GRIK2: variants seen among roughly 807,000 people sequenced by gnomAD.
The protein encoded by GRIK2 is glutamate ionotropic receptor kainate type subunit 2, also known as glutamate receptor ionotropic, kainate 2.
GRIK2 carries 32 observed loss-of-function variants against 100.3 expected under a neutral mutation model. The observed-to-expected ratio is 0.32, with a 90% confidence interval of 0.24 to 0.43. GRIK2 has a LOEUF of 0.43. Ranked by LOEUF, GRIK2 falls within the 20% of genes least tolerant of loss-of-function variation. GRIK2 has a pLI of 1.00. For synonymous variants in GRIK2, 417 were observed against 389.4 expected, an observed-to-expected ratio of 1.07 and a Z score of -0.83; for missense variants, 843 against 1,114.9, an observed-to-expected ratio of 0.76 and a Z score of 3.47.
intron 15 of GRIK2, among the ~76,000 whole-genome samples, chr6:102,054,251 G>A (rs1420206025): frequency 6.6e-6 from 1 of 152,066 alleles, no homozygotes; most frequent in African/African-American, 2.4e-5. Flanking sequence ...CTTTTACATT[G>A]CCTACTCTCA....
chr6:101,634,944 A>C (rs1780933864), intron 4 of GRIK2, among the ~76,000 whole-genome samples: 1 of 152,072 alleles, frequency 6.6e-6, no homozygotes. Context: ...TGGAAAGTCA[A>C]TTAATAGTGA....
At chr6:101,496,190 G>A (rs961649112) in intron 2 of GRIK2, among the ~76,000 whole-genome samples, 9 of 151,924 alleles carry the variant, frequency 5.9e-5, no homozygotes, top group Non-Finnish European at 1.0e-4. Flanking sequence ...CAGGTAATCC[G>A]CTTGTCTCAG....
intron 14 of GRIK2, among the ~76,000 whole-genome samples, chr6:101,940,125 A>T (rs1790868408): frequency 6.6e-6 from 1 of 152,160 alleles, no homozygotes; most frequent in African/African-American, 2.4e-5. Flanking sequence ...CAAGAAGCCA[A>T]ATATACTAGT....
intron 11 of GRIK2, among the ~76,000 whole-genome samples, chr6:101,880,882 AT>A (rs982674441): frequency 1.3e-5 from 2 of 151,994 alleles, no homozygotes; most frequent in African/African-American, 4.8e-5. Context: ...ATTAAAATAT[AT>A]TTATAAAAAG....
intron 7 of GRIK2, among the ~76,000 whole-genome samples, chr6:101,795,507 G>T (rs1316786758): frequency 6.6e-6 from 1 of 152,170 alleles, no homozygotes; most frequent in Non-Finnish European, 1.5e-5. Flanking sequence ...GCCAATTGTT[G>T]GGCCTCCAGG....
intron 2 of GRIK2, among the ~76,000 whole-genome samples, chr6:101,483,907 C>T (rs1468076438): frequency 5.9e-5 from 9 of 152,118 alleles, no homozygotes; most frequent in South Asian, 2.1e-4. Flanking sequence ...TCCCTTTCTC[C>T]TCAACAGAAG....
At chr6:101,726,873 G>T (rs931867158) in intron 7 of GRIK2, among the ~76,000 whole-genome samples, 1 of 151,868 alleles carries the variant, frequency 6.6e-6, no homozygotes, top group African/African-American at 2.4e-5. Context: ...CCACAACATA[G>T]GAATCAAGTC....
intron 14 of GRIK2, among the ~76,000 whole-genome samples, chr6:101,951,656 T>C (rs1419298292): frequency 6.6e-6 from 1 of 152,158 alleles, no homozygotes; most frequent in Non-Finnish European, 1.5e-5. Context: ...AGTAATTGAA[T>C]CATGTGGGCA....
rs371074312 is a variant in GRIK2, at chr6:102,062,857, T to C, written c.2563-5490T>C. 1.6e-4 allele frequency among the ~76,000 whole-genome samples: 24 copies of C among 150,642 alleles called. 2 individuals carry two copies. Among genetic ancestry groups the C allele is most frequent in the East Asian group, 1.2e-3 (6 of 5,160 alleles). ...TTTGTTATTTAACACACCAATATTA[T>C]GTAAAATATTATATCTTATATCCTA... On this transcript the variant is annotated intron_variant, in intron 16 of 16. Coordinates refer to ENST00000369134, the MANE Select transcript of GRIK2 (RefSeq NM_021956.5).
chr6:101,396,241 T>TCC (rs1775000563), intron 1 of GRIK2, among the ~76,000 whole-genome samples: 1 of 115,764 alleles, frequency 8.6e-6, no homozygotes, highest in African/African-American at 3.6e-5. Context: ...AAATTTAGCA[T>TCC]TCCCCCCCCC....
At chr6:102,059,727 T>C (rs570525811) in intron 16 of GRIK2, among the ~76,000 whole-genome samples, 2 of 151,038 alleles carry the variant, frequency 1.3e-5, no homozygotes, top group South Asian at 4.1e-4. Flanking sequence ...TTTGCATATG[T>C]CTACTTTTAA....
intron 14 of GRIK2, among the ~76,000 whole-genome samples, chr6:101,963,267 A>G (rs1792419668): frequency 1.2e-5 from 1 of 80,308 alleles, no homozygotes; most frequent in South Asian, 4.1e-4. Flanking sequence ...TCATATTTAT[A>G]CTTATTTAGG....
intron 16 of GRIK2, among the ~76,000 whole-genome samples, chr6:102,058,382 C>T (rs1330420478): frequency 6.6e-6 from 1 of 151,660 alleles, no homozygotes; most frequent in African/African-American, 2.4e-5. Flanking sequence ...ACCTATCTAC[C>T]TATCATTTAA....
At chr6:101,929,956 G>A (rs1231453614) in intron 14 of GRIK2, among the ~76,000 whole-genome samples, 11 of 152,044 alleles carry the variant, frequency 7.2e-5, no homozygotes, top group Admixed American at 6.6e-4. Flanking sequence ...TATATTAATT[G>A]CGATGGATCA....
At chr6:101,632,431 T>C (rs1201608040) in intron 4 of GRIK2, among the ~76,000 whole-genome samples, 1 of 152,086 alleles carries the variant, frequency 6.6e-6, no homozygotes, top group Non-Finnish European at 1.5e-5. Context: ...ATGTGTTATA[T>C]CCATTTTTAA....
chr6:101,948,369 TA>T (rs1791401162), intron 14 of GRIK2, among the ~76,000 whole-genome samples: 1 of 150,952 alleles, frequency 6.6e-6, no homozygotes, highest in African/African-American at 2.4e-5. Context: ...AGCCACAAGT[TA>T]CTATTTTTTA....
chr6:101,964,603 T>C (rs1273986826), intron 14 of GRIK2, among the ~76,000 whole-genome samples: 1 of 152,160 alleles, frequency 6.6e-6, no homozygotes, highest in African/African-American at 2.4e-5. Flanking sequence ...GAAGATGCCC[T>C]TGTGGCTCTT....
At chr6:101,829,855 A>C (rs1398387228) in intron 10 of GRIK2, among the ~76,000 whole-genome samples, 5 of 152,014 alleles carry the variant, frequency 3.3e-5, no homozygotes, top group African/African-American at 1.2e-4. Context: ...TGCCCAAAGC[A>C]ATCTATAGAT....
chr6:101,456,004 G>A (rs1029826943), intron 2 of GRIK2, among the ~76,000 whole-genome samples: 8 of 151,582 alleles, frequency 5.3e-5, no homozygotes, highest in Admixed American at 4.6e-4. Flanking sequence ...AAGCTAACAT[G>A]GCATGTTTGA....
Sources: allele counts gnomAD v4.1 joint callset (sites outside exome capture counted in the v4.1 genomes callset), GRCh38; gene constraint gnomAD v4.1.1; transcripts MANE v1.5; gene names NCBI Gene and HGNC (gene_info 2026-07-23, HGNC 2026-07-21).